UST: variants seen among roughly 807,000 people sequenced by gnomAD.
UST encodes the protein uronyl 2-sulfotransferase, also known as chondroitin sulfate 2-O-sulfotransferase.
A neutral mutation model predicts 45.6 loss-of-function variants in UST; 21 were observed. The observed-to-expected ratio is 0.46, with a 90% CI of 0.33 to 0.66. UST has a LOEUF of 0.66. Among genes scored for constraint, UST ranks in the 30% least tolerant of loss-of-function variants. UST has a pLI of 0.02. For synonymous variants in UST, 215 were observed against 200.6 expected (o/e 1.07, Z -0.61); for missense variants, 463 against 512.4 (o/e 0.90, Z 0.93).
intron 1 of UST, among the ~76,000 whole-genome samples, chr6:148,883,123 T>C (rs1209109858): frequency 6.6e-6 from 1 of 152,250 alleles, no homozygotes; most frequent in Non-Finnish European, 1.5e-5. Context: ...ACAAAGCCAG[T>C]GTCCTTAAAA....
At chr6:148,826,997 A>G (rs1777581015) in intron 1 of UST, among the ~76,000 whole-genome samples, 1 of 151,964 alleles carries the variant, frequency 6.6e-6, no homozygotes, top group South Asian at 2.1e-4. Context: ...CTCTTTTGCC[A>G]TGCAAGGTAA....
At chr6:148,816,632 C>T (rs902345653) in intron 1 of UST, among the ~76,000 whole-genome samples, 2 of 152,094 alleles carry the variant, frequency 1.3e-5, no homozygotes, top group Non-Finnish European at 2.9e-5. Flanking sequence ...TGTGCATGGA[C>T]TTGTGAGGAG....
intron 1 of UST, among the ~76,000 whole-genome samples, chr6:148,763,781 A>G (rs1158971387): frequency 6.6e-6 from 1 of 152,052 alleles, no homozygotes; most frequent in African/African-American, 2.4e-5. Flanking sequence ...ATTTTTGCCA[A>G]CTTTGTTTAT....
intron 2 of UST, among the ~76,000 whole-genome samples, chr6:148,895,893 C>T (rs572968931): frequency 2.2e-4 from 33 of 152,310 alleles, no homozygotes; most frequent in African/African-American, 7.9e-4. Context: ...ACCACAAGTT[C>T]CTAAGAAAGA....
chr6:148,933,439 A>C (rs1030801177), intron 2 of UST, among the ~76,000 whole-genome samples: 3 of 152,210 alleles, frequency 2.0e-5, no homozygotes, highest in African/African-American at 7.2e-5. Context: ...TTACACATGG[A>C]ATTGTTTCAA....
chr6:148,935,009 GAA>G (rs967746691), intron 2 of UST, among the ~76,000 whole-genome samples: 3 of 152,166 alleles, frequency 2.0e-5, no homozygotes, highest in Non-Finnish European at 4.4e-5. Context: ...CATAGACTAT[GAA>G]AGTCTTGGTC....
intron 2 of UST, among the ~76,000 whole-genome samples, chr6:148,899,520 A>C: frequency 6.6e-6 from 1 of 152,202 alleles, no homozygotes. Flanking sequence ...AGCAGGAAAA[A>C]ATAATTACCC....
intron 2 of UST, among the ~76,000 whole-genome samples, chr6:148,921,979 G>A (rs769140610): frequency 7.2e-5 from 11 of 152,132 alleles, no homozygotes; most frequent in African/African-American, 1.7e-4. Context: ...GGAGGACATC[G>A]GCCACAGGAA....
intron 7 of UST, among the ~76,000 whole-genome samples, chr6:149,061,755 G>T (rs1240662161): frequency 6.6e-6 from 1 of 152,236 alleles, no homozygotes; most frequent in Admixed American, 6.5e-5. Flanking sequence ...CCCGGGCTAA[G>T]TTCTTCCACC....
intron 1 of UST, among the ~76,000 whole-genome samples, chr6:148,862,137 T>C (rs1213077969): frequency 2.0e-5 from 3 of 152,208 alleles, no homozygotes; most frequent in Non-Finnish European, 4.4e-5. Context: ...AGTCTAAGTC[T>C]CTTTGTGGGT....
chr6:148,973,112 T>C (rs1197889262), intron 5 of UST, among the ~76,000 whole-genome samples: 2 of 152,242 alleles, frequency 1.3e-5, no homozygotes, highest in Non-Finnish European at 2.9e-5. Context: ...AGGCTTTTCA[T>C]TGGCATATGC....
intron 1 of UST, among the ~76,000 whole-genome samples, chr6:148,866,450 G>C (rs1026880891): frequency 6.6e-6 from 1 of 151,958 alleles, no homozygotes; most frequent in African/African-American, 2.4e-5. Context: ...GAAATTTTTT[G>C]ACCCCTTGAG....
At position 148,941,206 on chromosome 6, in the gene UST, C is replaced by T; in HGVS notation, c.292-73C>T. 10 of 1,550,318 alleles carry T rather than the reference C, an allele frequency of 6.5e-6. No individual in the cohort carries two copies. The East Asian group carries it at 6.9e-5, about 11-fold the overall frequency. ...TTTATTATATGAAACAGTTATTGTT[C>T]TGAAATTGAGGGAAGAATCCTAAGT... On this transcript the variant is annotated intron_variant, in intron 2 of 7. Coordinates refer to ENST00000367463, the MANE Select transcript of UST (RefSeq NM_005715.3).
At chr6:149,060,937 A>G (rs1164318105) in intron 7 of UST, among the ~76,000 whole-genome samples, 1 of 152,082 alleles carries the variant, frequency 6.6e-6, no homozygotes, top group African/African-American at 2.4e-5. Context: ...TTATTAAACT[A>G]GTATTTGTTT....
chr6:148,961,669 C>A (rs1463181647), intron 4 of UST, among the ~76,000 whole-genome samples: 1 of 152,174 alleles, frequency 6.6e-6, no homozygotes, highest in Non-Finnish European at 1.5e-5. Flanking sequence ...TCAACTGATA[C>A]AGTGGACTTC....
chr6:148,849,674 A>AGG (rs1202564816), intron 1 of UST, among the ~76,000 whole-genome samples: 1 of 152,142 alleles, frequency 6.6e-6, no homozygotes, highest in Non-Finnish European at 1.5e-5. Flanking sequence ...GCTGAGCAAA[A>AGG]GGGGAAGCAC....
At chr6:148,902,317 C>G (rs373923959) in intron 2 of UST, among the ~76,000 whole-genome samples, 5 of 152,014 alleles carry the variant, frequency 3.3e-5, no homozygotes, top group East Asian at 3.9e-4. Flanking sequence ...ACCTTGAAAT[C>G]CTGGGCTCAA....
chr6:148,813,424 C>T (rs1219151031), intron 1 of UST, among the ~76,000 whole-genome samples: 4 of 151,910 alleles, frequency 2.6e-5, no homozygotes, highest in Non-Finnish European at 5.9e-5. Flanking sequence ...CTCTGTTGCC[C>T]AGGCTGGAGT....
chr6:149,036,297 C>A (rs1385962202), intron 7 of UST, among the ~76,000 whole-genome samples: 1 of 152,220 alleles, frequency 6.6e-6, no homozygotes, highest in Non-Finnish European at 1.5e-5. Flanking sequence ...GGTGAGCTGA[C>A]ACTCCCGAGC....
Sources: allele counts gnomAD v4.1 joint callset (sites outside exome capture counted in the v4.1 genomes callset), GRCh38; gene constraint gnomAD v4.1.1; transcripts MANE v1.5; gene names NCBI Gene and HGNC (gene_info 2026-07-23, HGNC 2026-07-21).